IGSF11: variants seen among roughly 807,000 people sequenced by gnomAD.
The protein encoded by IGSF11 is immunoglobulin superfamily member 11.
Under a neutral mutation model 41.0 loss-of-function variants are expected in IGSF11, and 22 were observed. The observed-to-expected ratio is 0.54, with a 90% CI of 0.38 to 0.77. The LOEUF is 0.77. IGSF11 is among the 30% of genes least tolerant of loss of function. The pLI is 0.00. For missense variants in IGSF11, 444 were observed against 530.8 expected, an observed-to-expected ratio of 0.84 and a Z score of 1.61; for synonymous variants, 219 against 201.3, an observed-to-expected ratio of 1.09 and a Z score of -0.74.
Position 118,938,152 on chromosome 3 carries a change from T to C in IGSF11, c.53-7877A>G, listed in dbSNP as rs562116605. On this transcript the variant is annotated intron_variant, in intron 1 of 6. Transcript: ENST00000393775. ...GGCATATATATTACGTGGGTAGCAT[T>C]AACTCAGCAGTATCTCCAAAAACTT... is the stretch of plus-strand genomic sequence containing the variant. Among the ~76,000 whole-genome samples, 4 of 152,288 alleles carry C rather than the reference T, an allele frequency of 2.6e-5. No individual in the cohort carries two copies. In the East Asian group the frequency reaches 7.7e-4, roughly 29 times the overall value.
chr3:119,063,055 A>C (rs1368107372), intron 1 of IGSF11, among the ~76,000 whole-genome samples: 1 of 152,162 alleles, frequency 6.6e-6, no homozygotes. Flanking sequence ...TTTTTTGAGA[A>C]TATACAATCT....
Position 119,026,560 on chromosome 3 carries a change from A to G in IGSF11, c.52+7971T>C, listed in dbSNP as rs542845364. On this transcript the variant is annotated intron_variant, in intron 1 of 6. Coordinates refer to ENST00000393775, the MANE Select transcript of IGSF11 (RefSeq NM_001015887.3). Reference sequence around the variant, plus strand: ...CACAGGTCAAGGCTTTGACATTAAGACTGTACTAGTAGTCACTGTAGTCTT... The same window carrying G: ...CACAGGTCAAGGCTTTGACATTAAGGCTGTACTAGTAGTCACTGTAGTCTT... Among the ~76,000 whole-genome samples, 11 of 152,298 alleles carry G rather than the reference A, an allele frequency of 7.2e-5. No individual in the cohort carries two copies. The East Asian group carries it at 2.1e-3, about 29-fold the overall frequency.
At chr3:118,908,614 GGAAA>G (rs1460017776) in intron 4 of IGSF11, among the ~76,000 whole-genome samples, 1 of 152,162 alleles carries the variant, frequency 6.6e-6, no homozygotes, top group Non-Finnish European at 1.5e-5. Flanking sequence ...TAAAGAATAG[GGAAA>G]GTTCAATGGC....
chr3:119,013,728 C>CA, intron 1 of IGSF11, among the ~76,000 whole-genome samples: 1 of 152,150 alleles, frequency 6.6e-6, no homozygotes, highest in South Asian at 2.1e-4. Flanking sequence ...CGTTAGAGAC[C>CA]ATGGAGTCCC....
chr3:119,102,812 C>A (rs1466829122), intron 1 of IGSF11, among the ~76,000 whole-genome samples: 1 of 151,808 alleles, frequency 6.6e-6, no homozygotes, highest in African/African-American at 2.4e-5. Flanking sequence ...TCCAATAAGA[C>A]CTTCATTCCT....
intron 1 of IGSF11, among the ~76,000 whole-genome samples, chr3:119,026,721 C>T (rs1939864315): frequency 6.6e-6 from 1 of 152,186 alleles, no homozygotes; most frequent in African/African-American, 2.4e-5. Context: ...TATAAAACCA[C>T]TTATGCTGCA....
intron 1 of IGSF11, among the ~76,000 whole-genome samples, chr3:119,141,442 A>C (rs904860628): frequency 1.3e-5 from 2 of 151,706 alleles, no homozygotes; most frequent in African/African-American, 2.4e-5. Context: ...ATAATGGAGA[A>C]TATAAAATGA....
At chr3:118,967,438 A>T (rs1945759333) in intron 1 of IGSF11, among the ~76,000 whole-genome samples, 1 of 152,162 alleles carries the variant, frequency 6.6e-6, no homozygotes. Flanking sequence ...CACTTTCCAC[A>T]GCTATTTGCC....
At chr3:119,123,770 C>T (rs1480141245) in intron 1 of IGSF11, among the ~76,000 whole-genome samples, 1 of 152,200 alleles carries the variant, frequency 6.6e-6, no homozygotes, top group Non-Finnish European at 1.5e-5. Context: ...AAGGTAGCAC[C>T]TCGATGACTC....
intron 1 of IGSF11, among the ~76,000 whole-genome samples, chr3:118,956,350 G>T (rs1247888486): frequency 6.6e-6 from 1 of 152,104 alleles, no homozygotes; most frequent in African/African-American, 2.4e-5. Flanking sequence ...CACAACTTGA[G>T]TGTTTAACAC....
In IGSF11 at chr3:119,058,959, C is replaced by G. The variant is rs548828025; in HGVS notation, c.49+46185G>C. On this transcript the variant is annotated intron_variant, in intron 1 of 6. Coordinates refer to the IGSF11 transcript ENST00000354673. Reference sequence around the variant, plus strand: ...TGGACACAGGAAGGGGAACATCACACATCGGGGACTGTTGTGGGGTGGGGG... The same window carrying G: ...TGGACACAGGAAGGGGAACATCACAGATCGGGGACTGTTGTGGGGTGGGGG... Among the ~76,000 whole-genome samples, 786 of 151,378 alleles carry G rather than the reference C, an allele frequency of 5.2e-3. 5 individuals are homozygous for G. Among genetic ancestry groups the G allele is most frequent in the African/African-American group, 0.018 (728 of 41,096 alleles).
At chr3:118,978,980 T>G (rs1222572533) in intron 1 of IGSF11, among the ~76,000 whole-genome samples, 1 of 151,820 alleles carries the variant, frequency 6.6e-6, no homozygotes, top group Non-Finnish European at 1.5e-5. Flanking sequence ...ATGTTGAAAA[T>G]GTTAAAAAAG....
chr3:119,113,880 C>T (rs115161101), intron 1 of IGSF11, among the ~76,000 whole-genome samples: 3,175 of 152,330 alleles, frequency 0.021, 136 homozygotes, highest in African/African-American at 0.073. Flanking sequence ...GAAATCTAAG[C>T]GGAGGTTCCC....
chr3:118,970,388 A>G (rs1342032136), intron 1 of IGSF11, among the ~76,000 whole-genome samples: 2 of 152,250 alleles, frequency 1.3e-5, no homozygotes, highest in Non-Finnish European at 2.9e-5. Context: ...GAGGACCTGA[A>G]CTAGGGGATC....
chr3:119,122,284 G>C (rs2077343828), intron 1 of IGSF11, among the ~76,000 whole-genome samples: 1 of 152,178 alleles, frequency 6.6e-6, no homozygotes, highest in Non-Finnish European at 1.5e-5. Flanking sequence ...ATTGAACTCA[G>C]TGCTGCCCTC....
Position 119,003,892 on chromosome 3 carries a change from G to A in IGSF11, c.52+30639C>T, listed in dbSNP as rs551495968. Among the ~76,000 whole-genome samples the A allele has an allele frequency of 4.7e-4, 69 of 148,024 alleles. 1 individual carries two copies. Among genetic ancestry groups the A allele is most frequent in the Middle Eastern group, 3.5e-3 (1 of 286 alleles). On this transcript the variant is annotated intron_variant, in intron 1 of 6. Transcript: ENST00000393775. ...GTATTTTATTGAGGATTTTTGCATC[G>A]ATATTCATCAAGGATATTGGTCTAA...
At chr3:119,026,591 T>C (rs946652177) in intron 1 of IGSF11, among the ~76,000 whole-genome samples, 6 of 152,128 alleles carry the variant, frequency 3.9e-5, no homozygotes, top group African/African-American at 1.2e-4. Context: ...GTCTTCGCCA[T>C]TATGTAGTCA....
intron 1 of IGSF11, among the ~76,000 whole-genome samples, chr3:119,083,774 AT>A (rs1259554305): frequency 6.6e-6 from 1 of 152,196 alleles, no homozygotes; most frequent in African/African-American, 2.4e-5. Context: ...AGTACACAGT[AT>A]TTGCTAATGA....
rs144689850 is a variant in IGSF11 at position 118,940,121 on chromosome 3, C to T, written c.53-9846G>A. ...TTAATGGTAAAAGATTTTCCTCCTA[C>T]AGTAAGGAACAAGGAGAGATGTCTG... On this transcript the variant is annotated intron_variant, in intron 1 of 6. Transcript: ENST00000393775. Among the ~76,000 whole-genome samples, 625 of 152,270 alleles carry T rather than the reference C, an allele frequency of 4.1e-3. 11 individuals are homozygous for T. The highest frequency in any genetic ancestry group is 0.014 in the African/African-American group (595 of 41,568).
Sources: allele counts gnomAD v4.1 joint callset (sites outside exome capture counted in the v4.1 genomes callset), GRCh38; gene constraint gnomAD v4.1.1; transcripts MANE v1.5; gene names NCBI Gene and HGNC (gene_info 2026-07-23, HGNC 2026-07-21).